The following NCAM1 variants were observed in gnomAD, a reference collection of about 807,000 sequenced individuals.
NCAM1 encodes antigen recognized by monoclonal antibody 5.1H11.
Under a neutral mutation model 109.8 loss-of-function variants are expected in NCAM1, and 14 were observed. The observed-to-expected ratio is 0.13, with a 90% CI of 0.08 to 0.20. The LOEUF is 0.20. Ranked by LOEUF, NCAM1 falls within the 10% of genes least tolerant of loss-of-function variation. The probability of loss-of-function intolerance (pLI) is 1.00; values close to 1 mark genes in which losing one functional copy is unlikely to be tolerated. For synonymous variants in NCAM1, 418 were observed against 442.9 expected (o/e 0.94, Z 0.70); for missense variants, 774 against 1,109.9 (o/e 0.70, Z 4.30).
chr11:113,242,676 TATA>T (rs1362126948), intron 14 of NCAM1: 2 of 759,554 alleles, frequency 2.6e-6, no homozygotes, highest in African/African-American at 1.7e-5. Context: ...TCACCATCTT[TATA>T]ATGATGCCTA....
chr11:113,072,317 C>A (rs1299738794), intron 1 of NCAM1, among the ~76,000 whole-genome samples: 1 of 152,120 alleles, frequency 6.6e-6, no homozygotes, highest in Non-Finnish European at 1.5e-5. Flanking sequence ...AGGGCACTGT[C>A]GTATTTCAAA....
intron 1 of NCAM1, among the ~76,000 whole-genome samples, chr11:113,001,169 G>A (rs1186092311): frequency 6.6e-6 from 1 of 152,084 alleles, no homozygotes; most frequent in Non-Finnish European, 1.5e-5. Flanking sequence ...AGTGTCCCAG[G>A]TGTTCTCCTA....
intron 1 of NCAM1, among the ~76,000 whole-genome samples, chr11:113,027,720 C>T (rs1162664989): frequency 2.0e-5 from 3 of 152,148 alleles, no homozygotes; most frequent in African/African-American, 7.2e-5. Context: ...TGAGACACTT[C>T]CAAATAACGA....
rs1296574664 is a variant in NCAM1 at position 112,962,975 on chromosome 11, G to T, written c.52+1311G>T. 6.6e-6 allele frequency among the ~76,000 whole-genome samples: 1 copy of T among 152,218 alleles called. No homozygotes were observed. Among genetic ancestry groups the T allele is most frequent in the East Asian group, 2.0e-4 (1 of 5,120 alleles). ...ACCTGCCCTGGACGGCCGACCCCCG[G>T]TTGGGGAGCGCACGGGGCGGGCCAG... On this transcript the variant is annotated intron_variant, in intron 1 of 19. Transcript: ENST00000316851. The surrounding 1 kb of genome is among the most constrained non-coding windows in gnomAD (Gnocchi z 5.6).
In NCAM1 at chr11:113,005,960, A is replaced by G. The variant is rs540259162; in HGVS notation, c.52+44296A>G. Among the ~76,000 whole-genome samples the G allele has an allele frequency of 5.2e-4, 79 of 152,214 alleles. No individual in the cohort carries two copies. In the South Asian group the frequency reaches 6.4e-3, roughly 12 times the overall value. ...TGTAGAACTTCAACCAATTTTCTCTAAACATATGAACTTTTCTTCTAAAGA... is the reference window on the plus strand; with the variant it reads ...TGTAGAACTTCAACCAATTTTCTCTGAACATATGAACTTTTCTTCTAAAGA... On this transcript the variant is annotated intron_variant, in intron 1 of 19. Coordinates refer to ENST00000316851, the MANE Select transcript of NCAM1 (RefSeq NM_181351.5).
At chr11:113,154,786 A>T (rs1047274234) in intron 1 of NCAM1, among the ~76,000 whole-genome samples, 1 of 152,206 alleles carries the variant, frequency 6.6e-6, no homozygotes, top group South Asian at 2.1e-4. Flanking sequence ...CATGAGGATA[A>T]GAGTGATGGC....
intron 1 of NCAM1, among the ~76,000 whole-genome samples, chr11:113,191,177 A>G (rs1370540789): frequency 6.6e-6 from 1 of 152,180 alleles, no homozygotes; most frequent in Non-Finnish European, 1.5e-5. Flanking sequence ...TGAGCTATAG[A>G]GACAGAAGGG....
At chr11:113,000,329 C>A (rs1951712634) in intron 1 of NCAM1, among the ~76,000 whole-genome samples, 1 of 151,928 alleles carries the variant, frequency 6.6e-6, no homozygotes, top group African/African-American at 2.4e-5. Flanking sequence ...GATACAATGA[C>A]AGTTGTGATA....
rs1946386021 is a variant in NCAM1 at position 113,275,524 on chromosome 11, GT to G, written c.*138del. 8.8e-7 allele frequency: 1 copy of G among 1,142,050 alleles called. No homozygotes were observed. The highest frequency in any genetic ancestry group is 1.2e-6 in the Non-Finnish European group (1 of 830,614). 70.7% of individuals were successfully genotyped at this position (1,142,050 alleles called of 1,614,324 possible). ...CACACACACACATCTCATTTCTCTA[GT>G]GTCTTTTGCCTTTAAAAAAAACTAA... On this transcript the variant is annotated 3_prime_UTR_variant, in exon 20 of 20. Coordinates refer to ENST00000316851, the MANE Select transcript of NCAM1 (RefSeq NM_181351.5).
intron 1 of NCAM1, among the ~76,000 whole-genome samples, chr11:113,183,382 A>C (rs1429645908): frequency 6.6e-6 from 1 of 152,184 alleles, no homozygotes. Flanking sequence ...CATTGAAAAC[A>C]ATTTCAAAAT....
chr11:112,964,018 T>C (rs374765802), intron 1 of NCAM1, among the ~76,000 whole-genome samples: 4 of 152,180 alleles, frequency 2.6e-5, no homozygotes, highest in Middle Eastern at 3.4e-3. Context: ...CATTAAAATG[T>C]CTTTTGTACC....
chr11:113,195,565 C>T (rs1203264774), intron 1 of NCAM1, among the ~76,000 whole-genome samples: 7 of 140,416 alleles, frequency 5.0e-5, no homozygotes, highest in Non-Finnish European at 9.0e-5. Context: ...TGCAGTGGCG[C>T]GATCTCGGCT....
At chr11:113,188,312 A>G (rs1007303756) in intron 1 of NCAM1, among the ~76,000 whole-genome samples, 1 of 152,168 alleles carries the variant, frequency 6.6e-6, no homozygotes, top group Non-Finnish European at 1.5e-5. Flanking sequence ...AGACCCTGAG[A>G]ACCTCAAAGG....
intron 1 of NCAM1, among the ~76,000 whole-genome samples, chr11:113,065,359 G>A (rs73566695): frequency 0.014 from 2,158 of 152,226 alleles, 51 homozygotes; most frequent in African/African-American, 0.049. Flanking sequence ...AGAAGGGGGA[G>A]AACATAGCCC....
At chr11:113,183,140 T>G (rs1943384604) in intron 1 of NCAM1, among the ~76,000 whole-genome samples, 1 of 152,168 alleles carries the variant, frequency 6.6e-6, no homozygotes, top group African/African-American at 2.4e-5. Flanking sequence ...CTGTGGGTGT[T>G]TGTAGGGGCA....
chr11:113,019,905 C>A (rs868959988), intron 1 of NCAM1, among the ~76,000 whole-genome samples: 1 of 152,120 alleles, frequency 6.6e-6, no homozygotes, highest in African/African-American at 2.4e-5. Context: ...CGTTTTTCTG[C>A]ATCTGTGTGG....
chr11:112,997,121 C>A (rs1555071560), intron 1 of NCAM1, among the ~76,000 whole-genome samples: 2 of 151,850 alleles, frequency 1.3e-5, no homozygotes, highest in African/African-American at 4.8e-5. Context: ...AGGGTTCACT[C>A]CCTTTCCTGG....
At chr11:113,104,555 C>G (rs543144395) in intron 1 of NCAM1, among the ~76,000 whole-genome samples, 2 of 152,246 alleles carry the variant, frequency 1.3e-5, no homozygotes, top group African/African-American at 2.4e-5. Flanking sequence ...TTATTGGGCT[C>G]TGGCTGCCTT....
chr11:112,994,917 G>A (rs1555071164), intron 1 of NCAM1, among the ~76,000 whole-genome samples: 2 of 151,996 alleles, frequency 1.3e-5, no homozygotes. Flanking sequence ...TTATGATAAA[G>A]GTATTGGAGA....
Sources: allele counts gnomAD v4.1 joint callset (sites outside exome capture counted in the v4.1 genomes callset), GRCh38; gene constraint gnomAD v4.1.1; non-coding constraint Gnocchi (gnomAD v3.1); transcripts MANE v1.5; gene names NCBI Gene and HGNC (gene_info 2026-07-23, HGNC 2026-07-21).